The following PLA2G5 variants were observed in gnomAD, a reference collection of about 807,000 sequenced individuals.
PLA2G5 encodes Ca2+-dependent phospholipase A2.
PLA2G5 carries 12 observed loss-of-function variants against 15.9 expected under a neutral mutation model. The ratio of observed to expected loss-of-function variants is 0.76; its 90% CI spans 0.48 to 1.23. The LOEUF (loss-of-function observed/expected upper bound fraction) is 1.23. Among genes scored for constraint, PLA2G5 ranks in the 50% most tolerant of loss-of-function variants. PLA2G5 has a pLI of 0.00. For synonymous variants in PLA2G5, 71 were observed against 71.4 expected, an observed-to-expected ratio of 0.99 and a Z score of 0.03; for missense variants, 169 against 177.1, an observed-to-expected ratio of 0.95 and a Z score of 0.26.
At chr1:20,053,570 C>T (rs1274604812) in intron 1 of PLA2G5, among the ~76,000 whole-genome samples, 1 of 98,164 alleles carries the variant, frequency 1.0e-5, no homozygotes, top group Non-Finnish European at 1.9e-5. Context: ...TATTACTTTG[C>T]GGGGGGGGGG....
intron 1 of PLA2G5, among the ~76,000 whole-genome samples, chr1:20,049,110 A>G (rs2014056049): frequency 6.6e-6 from 1 of 152,144 alleles, no homozygotes; most frequent in African/African-American, 2.4e-5. Context: ...TTCTGGTAAG[A>G]AAGCTTAAAG....
upstream of PLA2G5, among the ~76,000 whole-genome samples, chr1:20,066,441 C>G (rs2015033379): frequency 6.6e-6 from 1 of 152,208 alleles, no homozygotes; most frequent in South Asian, 2.1e-4. Context: ...CCCAGCTCCA[C>G]ATTCAGTGGT....
upstream of PLA2G5, chr1:20,065,932 C>T (rs7550731): frequency 0.31 from 46,643 of 151,972 alleles, 7,371 homozygotes; most frequent in Admixed American, 0.36. Context: ...TTTCTTGGGC[C>T]GAGGAGTTTG....
intron 1 of PLA2G5, among the ~76,000 whole-genome samples, chr1:20,039,478 C>T (rs1025632766): frequency 1.3e-5 from 2 of 152,190 alleles, no homozygotes; most frequent in Non-Finnish European, 2.9e-5. Context: ...CAATTCAGCT[C>T]TACATTGTTG....
chr1:20,034,545 A>AGTG (rs1000756324), intron 1 of PLA2G5, among the ~76,000 whole-genome samples: 1 of 152,046 alleles, frequency 6.6e-6, no homozygotes, highest in Non-Finnish European at 1.5e-5. Flanking sequence ...CCAGGATAGG[A>AGTG]GTGTTGTGGG....
intron 1 of PLA2G5, among the ~76,000 whole-genome samples, chr1:20,039,439 A>G (rs530557319): frequency 6.6e-6 from 1 of 152,318 alleles, no homozygotes; most frequent in East Asian, 1.9e-4. Flanking sequence ...GATTAAATAG[A>G]CAGGAATTAC....
upstream of PLA2G5, among the ~76,000 whole-genome samples, chr1:20,065,517 C>T (rs1327006858): frequency 1.3e-5 from 2 of 152,272 alleles, no homozygotes; most frequent in Middle Eastern, 3.4e-3. Context: ...TGGAGTTATA[C>T]AGTATATATC....
At chr1:20,040,879 T>C (rs554769707) in intron 1 of PLA2G5, among the ~76,000 whole-genome samples, 2 of 152,180 alleles carry the variant, frequency 1.3e-5, no homozygotes, top group Non-Finnish European at 2.9e-5. Flanking sequence ...GATTTGTCTC[T>C]TATCTACCTA....
chr1:20,089,751 C>T, intron 3 of PLA2G5, 38 bp from the exon 4 acceptor site: 1 of 1,535,724 alleles, frequency 6.5e-7, no homozygotes, highest in Non-Finnish European at 9.0e-7. Flanking sequence ...CAGGAGGGCA[C>T]CCCTCCCACT....
chr1:20,047,046 GAGTAACC>G (rs1369820122), intron 1 of PLA2G5, among the ~76,000 whole-genome samples: 3 of 152,202 alleles, frequency 2.0e-5, no homozygotes, highest in Admixed American at 2.0e-4. Context: ...AGGTGCCCCT[GAGTAACC>G]AGGGGCCTTG....
At chr1:20,081,696 G>T (rs543861103) in intron 1 of PLA2G5, among the ~76,000 whole-genome samples, 1 of 151,798 alleles carries the variant, frequency 6.6e-6, no homozygotes, top group African/African-American at 2.4e-5. Flanking sequence ...AAGGTGGCCC[G>T]GGTGTACCAA....
exon 1 of PLA2G5, chr1:20,028,631 A>T (rs1305752202): frequency 6.6e-6 from 1 of 152,164 alleles, no homozygotes; most frequent in African/African-American, 2.4e-5. Context: ...AGTGGAGGAG[A>T]ACGACGGTAT....
intron 3 of PLA2G5, among the ~76,000 whole-genome samples, chr1:20,087,394 C>G (rs10916705): frequency 0.062 from 9,386 of 151,730 alleles, 410 homozygotes; most frequent in East Asian, 0.14. Context: ...CCTGTGTGAT[C>G]ATATACTTTT....
Position 20,035,368 on chromosome 1 carries a change from G to A in PLA2G5, n.276+6659G>A, listed in dbSNP as rs538488256. The stretch of plus-strand genomic sequence containing the variant: ...AGGATGAGAGTTTTGGCCCTTTTCC[G>A]GCAGAATGTGGTGTTCCTTGCATTT... On this transcript the variant is annotated intron_variant and non_coding_transcript_variant, in intron 1 of 6. Coordinates refer to the PLA2G5 transcript ENST00000460175. Among the ~76,000 whole-genome samples, 12 of 152,174 alleles carry A rather than the reference G, an allele frequency of 7.9e-5. 1 individual carries two copies. The East Asian group carries it at 1.4e-3, about 17-fold the overall frequency.
chr1:20,088,241 C>A (rs898133776), intron 3 of PLA2G5, among the ~76,000 whole-genome samples: 11 of 150,408 alleles, frequency 7.3e-5, no homozygotes, highest in African/African-American at 2.8e-4. Context: ...CCTGTAATCC[C>A]AGCTACTCAG....
rs554261890 is a variant in PLA2G5, at chr1:20,091,665, T to G, written c.*973T>G. Among the ~76,000 whole-genome samples, 19 of 152,172 alleles carry G rather than the reference T, an allele frequency of 1.2e-4. No homozygotes were observed. The highest frequency in any genetic ancestry group is 1.2e-3 in the Admixed American group (18 of 15,292). ...GGTGTCAGCTGTGGGGTTTATTTTT[T>G]ACAAAGTAAGGACATTAAAAAAACC... On this transcript the variant is annotated 3_prime_UTR_variant, in exon 5 of 5. Coordinates refer to ENST00000375108, the MANE Select transcript of PLA2G5 (RefSeq NM_000929.3).
upstream of PLA2G5, chr1:20,066,107 T>C (rs1045764422): frequency 5.3e-5 from 8 of 152,242 alleles, no homozygotes; most frequent in African/African-American, 1.9e-4. Flanking sequence ...TGTTAACGTT[T>C]TGGATTTTAG....
At chr1:20,031,227 C>T (rs977829709) in intron 1 of PLA2G5, among the ~76,000 whole-genome samples, 3 of 152,044 alleles carry the variant, frequency 2.0e-5, no homozygotes, top group African/African-American at 7.2e-5. Flanking sequence ...GGACCGGGTT[C>T]GTGTGGTTAG....
At chr1:20,087,371 T>C (rs1459275794) in intron 3 of PLA2G5, among the ~76,000 whole-genome samples, 1 of 152,082 alleles carries the variant, frequency 6.6e-6, no homozygotes, top group African/African-American at 2.4e-5. Flanking sequence ...AATGGCACAG[T>C]ATTTTCATAT....
Sources: gnomAD v4.1 joint callset for allele counts (sites outside exome capture counted in the v4.1 genomes callset) on GRCh38, gnomAD v4.1.1 for gene constraint, MANE v1.5 for transcripts, NCBI Gene and HGNC (gene_info 2026-07-23, HGNC 2026-07-21) for gene names.